SOX6: variants seen among roughly 807,000 people sequenced by gnomAD.
The protein encoded by SOX6 is SRY-box transcription factor 6.
Under a neutral mutation model 97.8 loss-of-function variants are expected in SOX6, and 11 were observed. The observed-to-expected ratio is 0.11, with a 90% CI of 0.07 to 0.19. The LOEUF is 0.19. Ranked by LOEUF, SOX6 falls within the 10% of genes least tolerant of loss-of-function variation. SOX6 has a pLI of 1.00. For synonymous variants in SOX6, 360 were observed against 371.4 expected, an observed-to-expected ratio of 0.97 and a Z score of 0.35; for missense variants, 810 against 1,039.5, an observed-to-expected ratio of 0.78 and a Z score of 3.04.
intron 4 of SOX6, among the ~76,000 whole-genome samples, chr11:16,515,006 T>C (rs916641816): frequency 3.3e-5 from 5 of 151,896 alleles, no homozygotes; most frequent in African/African-American, 1.2e-4. Context: ...ACAATAAACA[T>C]ACGTGTGCAT....
At chr11:16,046,875 C>A (rs1176553976) in intron 11 of SOX6, among the ~76,000 whole-genome samples, 174 bp from the exon 12 acceptor site, 1 of 152,178 alleles carries the variant, frequency 6.6e-6, no homozygotes, top group Non-Finnish European at 1.5e-5. Flanking sequence ...GGCAACCAAG[C>A]TGTGCTGGGT....
In SOX6 at chr11:16,142,880, A is replaced by G. The variant is rs144269058; in HGVS notation, c.778-30957T>C. Among the ~76,000 whole-genome samples the G allele has an allele frequency of 8.2e-3, 1,245 of 152,200 alleles. 21 individuals carry two copies. The highest frequency in any genetic ancestry group is 0.028 in the African/African-American group (1,161 of 41,524). ...AAGAGCAAATCTACGTCTGATTGGT[A>G]TACCTGAAAGTGATGGGGAGAATGG... On this transcript the variant is annotated intron_variant, in intron 6 of 15. Transcript: ENST00000683767.
At chr11:16,590,263 T>C (rs1848134996) in intron 4 of SOX6, among the ~76,000 whole-genome samples, 1 of 152,236 alleles carries the variant, frequency 6.6e-6, no homozygotes, top group Non-Finnish European at 1.5e-5. Flanking sequence ...CCTCAGTTTA[T>C]ATTTAATAGG....
intron 1 of SOX6, among the ~76,000 whole-genome samples, chr11:16,426,996 G>A (rs1859154279): frequency 6.7e-6 from 1 of 149,116 alleles, no homozygotes; most frequent in Admixed American, 6.7e-5. Flanking sequence ...AAGACTTAAA[G>A]GTAAAACCCA....
chr11:16,467,476 G>A (rs1158016729), intron 1 of SOX6, among the ~76,000 whole-genome samples: 1 of 152,196 alleles, frequency 6.6e-6, no homozygotes, highest in East Asian at 1.9e-4. Context: ...ATGAGATCAT[G>A]TCCTTTGCAG....
chr11:16,584,628 T>C (rs73419017), intron 4 of SOX6, among the ~76,000 whole-genome samples: 2,912 of 152,278 alleles, frequency 0.019, 83 homozygotes, highest in African/African-American at 0.066. Flanking sequence ...GTTCAACTCC[T>C]ACAGTCTACT....
At chr11:16,584,254 A>C (rs986187739) in intron 4 of SOX6, among the ~76,000 whole-genome samples, 1 of 152,182 alleles carries the variant, frequency 6.6e-6, no homozygotes, top group African/African-American at 2.4e-5. Flanking sequence ...CACACCACAA[A>C]AAAGGGAACT....
chr11:16,291,458 C>A (rs948799472), intron 3 of SOX6, among the ~76,000 whole-genome samples: 2 of 151,706 alleles, frequency 1.3e-5, no homozygotes, highest in African/African-American at 2.4e-5. Flanking sequence ...AACAAATAAA[C>A]CTACCTTGCA....
intron 3 of SOX6, 136 bp downstream of exon 3, chr11:16,318,309 AC>A (rs1181556710): frequency 1.2e-6 from 1 of 838,992 alleles, no homozygotes; most frequent in Non-Finnish European, 2.0e-6. Flanking sequence ...CACCATAGTA[AC>A]CTCTGAATAA....
At chr11:16,275,049 G>C (rs1854356719) in intron 3 of SOX6, among the ~76,000 whole-genome samples, 2 of 152,056 alleles carry the variant, frequency 1.3e-5, no homozygotes, top group Non-Finnish European at 2.9e-5. Flanking sequence ...TCTAAGTAAT[G>C]GGTATACAAG....
chr11:16,145,270 T>G (rs560961850), intron 6 of SOX6, among the ~76,000 whole-genome samples: 1 of 152,198 alleles, frequency 6.6e-6, no homozygotes. Flanking sequence ...TCTCAATAGA[T>G]GCAGAAAAGG....
intron 4 of SOX6, among the ~76,000 whole-genome samples, chr11:16,490,097 A>G (rs1860488365): frequency 6.6e-6 from 1 of 152,108 alleles, no homozygotes; most frequent in Non-Finnish European, 1.5e-5. Context: ...CAGGAAAATA[A>G]TTGCCAAATT....
chr11:16,341,208 G>C lies in SOX6; in HGVS notation c.41C>G (p.Ala14Gly). 6.2e-7 allele frequency: 1 copy of C among 1,613,390 alleles called. No individual in the cohort carries two copies. Among genetic ancestry groups the C allele is most frequent in the Non-Finnish European group, 8.5e-7 (1 of 1,179,582 alleles). The change falls in exon 2 of 16, where the codon GCT becomes GGT. Residue 14 changes from alanine to glycine, a missense_variant. Transcript: ENST00000683767. The stretch of plus-strand genomic sequence containing the variant: ...CTGGGTCATTGCATCCTCTCCATCA[G>C]CTGCACAGGCAAATGGAGAGGTGGC... ...KQATSPFACA[A>G]DGEDAMTQDL...
At chr11:16,336,726 C>T (rs1208131769) in intron 2 of SOX6, among the ~76,000 whole-genome samples, 2 of 152,134 alleles carry the variant, frequency 1.3e-5, no homozygotes, top group Non-Finnish European at 2.9e-5. Context: ...CTATGAGACT[C>T]CATAATATCT....
chr11:15,996,418 C>T (rs1274127176), intron 13 of SOX6, among the ~76,000 whole-genome samples: 1 of 152,056 alleles, frequency 6.6e-6, no homozygotes, highest in African/African-American at 2.4e-5. Context: ...CTCTTGAGGT[C>T]AGGAGTTCAA....
chr11:16,534,583 T>G (rs1861279990), intron 4 of SOX6, among the ~76,000 whole-genome samples: 1 of 152,168 alleles, frequency 6.6e-6, no homozygotes, highest in Non-Finnish European at 1.5e-5. Context: ...GAAACAATGA[T>G]GCCAATAGGA....
chr11:16,094,128 T>C (rs1424901523), intron 9 of SOX6, among the ~76,000 whole-genome samples: 1 of 151,962 alleles, frequency 6.6e-6, no homozygotes, highest in Non-Finnish European at 1.5e-5. Flanking sequence ...ATGAAGGCTC[T>C]TGCATTAATG....
intron 4 of SOX6, among the ~76,000 whole-genome samples, chr11:16,588,119 C>G (rs1848114736): frequency 6.6e-6 from 1 of 152,210 alleles, no homozygotes; most frequent in Non-Finnish European, 1.5e-5. Context: ...CATGAGTCTA[C>G]TAGCATGAAT....
chr11:16,500,699 C>A (rs1173807137), intron 4 of SOX6, among the ~76,000 whole-genome samples: 5 of 152,156 alleles, frequency 3.3e-5, no homozygotes, highest in Non-Finnish European at 5.9e-5. Context: ...TGAGTGAACT[C>A]CCATTCACAA....
Sources: gnomAD v4.1 joint callset for allele counts (sites outside exome capture counted in the v4.1 genomes callset) on GRCh38, gnomAD v4.1.1 for gene constraint, MANE v1.5 for transcripts, NCBI Gene and HGNC (gene_info 2026-07-23, HGNC 2026-07-21) for gene names.